IFT140: variants seen among roughly 807,000 people sequenced by gnomAD.
IFT140 encodes the protein intraflagellar transport 140, also known as intraflagellar transport protein 140 homolog.
In IFT140, 133 loss-of-function variants were observed where a neutral mutation model predicts 164.6. That is an observed-to-expected ratio of 0.81 (90% confidence interval 0.70 to 0.93). IFT140 has a LOEUF of 0.93. Ranked by LOEUF, IFT140 falls within the 40% of genes least tolerant of loss-of-function variation. IFT140 has a pLI of 0.00. For synonymous variants in IFT140, 860 were observed against 817.3 expected (o/e 1.05, Z -0.89); for missense variants, 2,045 against 1,972.3 (o/e 1.04, Z -0.70).
chr16:1,568,180 G>C (rs1171775868), intron 15 of IFT140, 37 bp downstream of exon 15: 3 of 1,446,618 alleles, frequency 2.1e-6, no homozygotes, highest in Middle Eastern at 2.3e-4. Context: ...CAGAGGTGAG[G>C]AGGCGGAGTG....
At chr16:1,534,388 G>C in intron 19 of IFT140, 1 of 1,612,778 alleles carries the variant, frequency 6.2e-7, no homozygotes, top group Non-Finnish European at 8.5e-7. Flanking sequence ...CTGGAGGATG[G>C]GCGCAGGCGC....
At chr16:1,568,041 C>T (rs557883044) in intron 15 of IFT140, among the ~76,000 whole-genome samples, 176 bp downstream of exon 15, 67 of 152,080 alleles carry the variant, frequency 4.4e-4, no homozygotes, top group Admixed American at 1.5e-3. Flanking sequence ...GGGAGGTTCC[C>T]GGAGAAGGTG....
intron 15 of IFT140, among the ~76,000 whole-genome samples, chr16:1,566,535 C>A (rs2033727358): frequency 6.6e-6 from 1 of 152,184 alleles, no homozygotes; most frequent in African/African-American, 2.4e-5. Context: ...GATCTTAGCT[C>A]ACTGCAGCCT....
chr16:1,535,537 T>A lies in IFT140; in HGVS notation c.2400-8741A>T, dbSNP rs897582997. Among the ~76,000 whole-genome samples, 6 of 152,314 alleles carry A rather than the reference T, an allele frequency of 3.9e-5. No homozygotes were observed. The East Asian group carries it at 1.2e-3, about 29-fold the overall frequency. ...TAATGCTGGTCTCTGAGGCAGTGCCTCTGCTCCAGGCTTCCGAGGGAGTCC... is the reference window on the plus strand; with the variant it reads ...TAATGCTGGTCTCTGAGGCAGTGCCACTGCTCCAGGCTTCCGAGGGAGTCC... On this transcript the variant is annotated intron_variant, in intron 19 of 30. Transcript: ENST00000426508.
chr16:1,604,771 G>A (rs956677388), intron 3 of IFT140, among the ~76,000 whole-genome samples: 1 of 152,134 alleles, frequency 6.6e-6, no homozygotes, highest in South Asian at 2.1e-4. Flanking sequence ...ACTCGCCAGA[G>A]GTTCCGGGGG....
rs2040478227 is a variant in IFT140, at chr16:1,520,204, T to C, written c.3800A>G (p.Lys1267Arg). The C allele has an allele frequency of 6.2e-7, 1 of 1,614,102 alleles. No homozygotes were observed. Among genetic ancestry groups the C allele is most frequent in the Non-Finnish European group, 8.5e-7 (1 of 1,180,032 alleles). ...CTTGGTGTAGAAGCCGATGATGTTC[T>C]TCATGATCTCCGGCTCCTTCCGCCA... is the stretch of plus-strand genomic sequence containing the variant. ...LDWRKEPEIM[K>R]NIIGFYTKGR... The change falls in exon 28 of 31, where the codon AAG becomes AGG. Residue 1267 changes from lysine (K) to arginine (R), a missense_variant. Transcript: ENST00000426508.
At chr16:1,560,587 G>C (rs1402564719) in intron 18 of IFT140, among the ~76,000 whole-genome samples, 4 of 150,774 alleles carry the variant, frequency 2.7e-5, no homozygotes, top group Non-Finnish European at 4.4e-5. Context: ...GGTCCACCGT[G>C]GTGGCTGCTG....
At chr16:1,585,848 GCA>G (rs1428306947) in intron 10 of IFT140, among the ~76,000 whole-genome samples, 3 of 142,978 alleles carry the variant, frequency 2.1e-5, no homozygotes, top group African/African-American at 7.9e-5. Context: ...TCGGCTCACT[GCA>G]AGCTCCAGCT....
intron 13 of IFT140, among the ~76,000 whole-genome samples, chr16:1,576,356 C>T (rs1205404255): frequency 6.6e-6 from 1 of 150,874 alleles, no homozygotes; most frequent in Non-Finnish European, 1.5e-5. Flanking sequence ...CTTTGGGAGG[C>T]CGAGGCGGGC....
chr16:1,525,001 T>C, intron 22 of IFT140, 85 bp from the exon 23 acceptor site: 1 of 1,508,300 alleles, frequency 6.6e-7, no homozygotes, highest in Non-Finnish European at 8.9e-7. Context: ...GTGCCACCCT[T>C]AGAGTGCATG....
chr16:1,552,955 G>A, intron 19 of IFT140: 1 of 984,840 alleles, frequency 1.0e-6, no homozygotes, highest in Non-Finnish European at 1.2e-6. Context: ...GCCTTGTCTA[G>A]AATGTTATTT....
At chr16:1,609,434 A>G (rs2036233828) in intron 2 of IFT140, among the ~76,000 whole-genome samples, 1 of 152,016 alleles carries the variant, frequency 6.6e-6, no homozygotes, top group South Asian at 2.1e-4. Flanking sequence ...GTGTCCCCAC[A>G]CAACGTTGCG....
chr16:1,538,647 A>G (rs1022342813), intron 19 of IFT140, among the ~76,000 whole-genome samples: 1 of 152,232 alleles, frequency 6.6e-6, no homozygotes, highest in Non-Finnish European at 1.5e-5. Flanking sequence ...TGTTTAGAGA[A>G]GCAGAGGCTT....
chr16:1,559,842 G>C (rs3784835), intron 18 of IFT140, among the ~76,000 whole-genome samples: 8,182 of 152,310 alleles, frequency 0.054, 447 homozygotes, highest in Admixed American at 0.17. Flanking sequence ...AGGATCTCAG[G>C]AAAACAACCC....
In IFT140 at chr16:1,568,330, C is replaced by A. The variant is rs1443582171; in HGVS notation, c.1657G>T (p.Ala553Ser). 6.2e-7 allele frequency: 1 copy of A among 1,613,366 alleles called. No homozygotes were observed. The highest frequency in any genetic ancestry group is 8.5e-7 in the Non-Finnish European group (1 of 1,179,778). The change falls in exon 15 of 31, where the codon GCC becomes TCC. Residue 553 changes from alanine (A) to serine (S), a missense_variant. Physicochemically the swap from Ala to Ser is moderately conservative, Grantham distance 99. Coordinates refer to ENST00000426508, the MANE Select transcript of IFT140 (RefSeq NM_014714.4). ...CTCCTGCAGCTACAGTGTGCTTTGG[C>A]CTCTCTGCAGGGAGGAAGAGGGACC... The part of the protein sequence containing the change: ...FKSFDLSRRE[A>S]KAHCSCRSLA...
intron 19 of IFT140, among the ~76,000 whole-genome samples, chr16:1,549,380 G>A (rs148949062): frequency 6.6e-6 from 1 of 152,362 alleles, no homozygotes; most frequent in African/African-American, 2.4e-5. Flanking sequence ...AGCGAGTGAA[G>A]CGCGGCTCCC....
chr16:1,520,719 C>T lies in IFT140; in HGVS notation c.3543G>A (p.Ser1181=), dbSNP rs377427370. ...AEKMTVAKDS[S]DLPEESRREL... is the part of the protein sequence containing the mutation. The stretch of plus-strand genomic sequence containing the variant: ...CCCGCCGCGACTCCTCAGGCAGGTC[C>T]GAGGAGTCCTTGGCCACGGTCATCT... Residue 1181 remains serine, a synonymous_variant, in exon 27 of 31, where the codon TCG becomes TCA. Transcript: ENST00000426508. 59 of 1,611,802 alleles carry T rather than the reference C, an allele frequency of 3.7e-5. No individual in the cohort carries two copies. In the African/African-American group the frequency reaches 6.5e-4, roughly 18 times the overall value.
intron 3 of IFT140, chr16:1,604,316 T>TGTGTGTGTGTGTGG (rs1273123812): frequency 2.4e-5 from 3 of 127,002 alleles, no homozygotes; most frequent in African/African-American, 1.1e-4. Context: ...TGTGTGTGTG[T>TGTGTGTGTGTGTGG]GGAGGGGGGA....
At chr16:1,601,685 T>G (rs187644177) in intron 4 of IFT140, among the ~76,000 whole-genome samples, 1 of 152,314 alleles carries the variant, frequency 6.6e-6, no homozygotes. Context: ...AGAGAAAGAA[T>G]GCACTTGTGT....
Sources: gnomAD v4.1 joint callset for allele counts (sites outside exome capture counted in the v4.1 genomes callset) on GRCh38, gnomAD v4.1.1 for gene constraint, MANE v1.5 for transcripts, NCBI Gene and HGNC (gene_info 2026-07-23, HGNC 2026-07-21) for gene names.